Variants in FHL1 observed in about 807,000 individuals in gnomAD.
FHL1 encodes four and a half LIM domains protein 1.
A neutral mutation model predicts 20.3 loss-of-function variants in FHL1; 1 was observed. That is an observed-to-expected ratio of 0.05 (90% CI 0.02 to 0.23). The LOEUF is 0.23. Among genes scored for constraint, FHL1 ranks in the 10% least tolerant of loss-of-function variants. FHL1 has a pLI of 1.00. For missense variants in FHL1, 177 were observed against 234.0 expected (o/e 0.76, Z 1.59); for synonymous variants, 82 against 88.9 (o/e 0.92, Z 0.44).
intron 2 of FHL1, among the ~76,000 whole-genome samples, chrX:136,183,260 G>T (rs2073209222): frequency 9.0e-6 from 1 of 111,275 alleles, no homozygotes; most frequent in African/African-American, 3.3e-5. Context: ...TTGGAGAGTT[G>T]TAAGAAATTT....
At chrX:136,164,388 G>C (rs1204581302) in intron 1 of FHL1, among the ~76,000 whole-genome samples, 1 of 109,839 alleles carries the variant, frequency 9.1e-6, no homozygotes, top group Non-Finnish European at 1.9e-5. Context: ...TGTATTTTCA[G>C]TAGAGATGGG....
upstream of FHL1, among the ~76,000 whole-genome samples, chrX:136,166,255 A>G (rs760837115): frequency 1.8e-5 from 2 of 111,993 alleles, no homozygotes; most frequent in South Asian, 3.8e-4. Flanking sequence ...CTGACTGTCA[A>G]TTTTTCTCCT....
intron 5 of FHL1, 38 bp from the exon 6 acceptor site, chrX:136,209,833 C>G: frequency 8.4e-7 from 1 of 1,193,056 alleles, no homozygotes; most frequent in East Asian, 3.0e-5. Flanking sequence ...TCAGCTGTTT[C>G]TCTTGTTTTC....
intron 2 of FHL1, among the ~76,000 whole-genome samples, chrX:136,188,281 T>C (rs2073356741): frequency 8.9e-6 from 1 of 111,735 alleles, no homozygotes; most frequent in Admixed American, 9.5e-5. Context: ...TGAGATGTTG[T>C]AGCTGCAGGC....
At position 136,154,122 on chromosome X, in the gene FHL1, C is replaced by A. The variant is rs774267503; in HGVS notation, c.-101+6494C>A. ...ACCTAATGTGCTAACGTCAGAGTTC[C>A]AGCTTGAATTTTTAGATTGTCTTCA... On this transcript the variant is annotated intron_variant, in intron 1 of 7. Transcript: ENST00000394155. 3.6e-5 allele frequency among the ~76,000 whole-genome samples: 4 copies of A among 112,180 alleles called. No individual in the cohort carries two copies. In the Admixed American group the frequency reaches 3.8e-4, roughly 11 times the overall value.
In FHL1 at chrX:136,207,906, A is replaced by T; in HGVS notation, c.494A>T (p.Tyr165Phe). 2 of 1,212,375 alleles carry T rather than the reference A, an allele frequency of 1.6e-6. No homozygotes were observed. The highest frequency in any genetic ancestry group is 3.5e-5 in the South Asian group (2 of 57,045). ...GSFFPKGEDF[Y>F]CVTCHETKFA... ...TTCTTCCCTAAAGGGGAGGACTTCT[A>T]CTGCGTGACTTGCCATGAGACCAAG... The change falls in exon 4 of 6, where the codon TAC (tyrosine) becomes TTC (phenylalanine). Residue 165 changes from tyrosine to phenylalanine, a missense_variant. Coordinates refer to ENST00000370683, the MANE Select transcript of FHL1 (RefSeq NM_001159699.2).
At chrX:136,172,042 C>T (rs756655900) in intron 2 of FHL1, among the ~76,000 whole-genome samples, 1 of 110,716 alleles carries the variant, frequency 9.0e-6, no homozygotes, top group East Asian at 2.8e-4. Context: ...AGCGTCTCTA[C>T]ATCAACATGC....
At chrX:136,161,604 C>T (rs751848076) in intron 1 of FHL1, among the ~76,000 whole-genome samples, 6 of 111,948 alleles carry the variant, frequency 5.4e-5, no homozygotes, top group African/African-American at 9.7e-5. Context: ...TGGCCACATG[C>T]GTGCTGATAT....
upstream of FHL1, among the ~76,000 whole-genome samples, chrX:136,194,700 A>G (rs995765775): frequency 8.0e-5 from 9 of 112,290 alleles, no homozygotes; most frequent in African/African-American, 2.9e-4. Context: ...ATTGACTAAT[A>G]TGCCAATGAA....
At chrX:136,184,260 G>A (rs908737006) in intron 2 of FHL1, among the ~76,000 whole-genome samples, 13 of 111,942 alleles carry the variant, frequency 1.2e-4, no homozygotes, top group African/African-American at 4.2e-4. Flanking sequence ...CGAAATGAAA[G>A]TCCTATAACT....
At chrX:136,147,623 C>A in exon 1 of FHL1, 1 of 111,585 alleles carries the variant, frequency 9.0e-6, no homozygotes, top group South Asian at 3.1e-4. Flanking sequence ...CGAGCATCCC[C>A]ACGCAGTAAG....
chrX:136,210,350 A>C lies in FHL1; in HGVS notation c.*325A>C. The C allele has an allele frequency of 2.4e-6, 1 of 410,354 alleles. No individual in the cohort carries two copies. Among genetic ancestry groups the C allele is most frequent in the Non-Finnish European group, 4.5e-6 (1 of 221,172 alleles). 33.8% of individuals were successfully genotyped at this position (410,354 alleles called of 1,213,427 possible). A position where few individuals can be genotyped will look rare whatever the true frequency, so the allele number is the denominator to read the frequency against. On this transcript the variant is annotated 3_prime_UTR_variant, in exon 6 of 6. Coordinates refer to ENST00000370683, the MANE Select transcript of FHL1 (RefSeq NM_001159699.2). ...TTAGCCACTTAGTGATGTAAGCAAGAAGCATAGGAGATAAAACCCCCACTG... is the reference window on the plus strand; with the variant it reads ...TTAGCCACTTAGTGATGTAAGCAAGCAGCATAGGAGATAAAACCCCCACTG...
intron 1 of FHL1, among the ~76,000 whole-genome samples, chrX:136,197,511 G>A (rs1246791959): frequency 2.7e-5 from 3 of 111,755 alleles, no homozygotes; most frequent in Admixed American, 9.5e-5. Flanking sequence ...TTACATCCAA[G>A]GTGTTTGGAG....
At chrX:136,159,173 ACT>A (rs1372060449) in intron 1 of FHL1, among the ~76,000 whole-genome samples, 1 of 110,368 alleles carries the variant, frequency 9.1e-6, no homozygotes, top group Non-Finnish European at 1.9e-5. Context: ...AAAAAAAAAA[ACT>A]CTTCAAATGT....
intron 1 of FHL1, among the ~76,000 whole-genome samples, chrX:136,160,146 T>A (rs929242079): frequency 9.0e-6 from 1 of 111,552 alleles, no homozygotes; most frequent in Non-Finnish European, 1.9e-5. Flanking sequence ...CTGAGTTGGC[T>A]ATGAGAACAG....
At chrX:136,160,673 C>T (rs896309424) in intron 1 of FHL1, among the ~76,000 whole-genome samples, 1 of 112,032 alleles carries the variant, frequency 8.9e-6, no homozygotes, top group Non-Finnish European at 1.9e-5. Context: ...GCTTATTAAA[C>T]TTTATTTTGT....
chrX:136,195,988 T>C (rs540321485), upstream of FHL1, among the ~76,000 whole-genome samples: 1 of 112,198 alleles, frequency 8.9e-6, no homozygotes. Context: ...GAATAGTTAT[T>C]GAGAGCCTCC....
intron 1 of FHL1, among the ~76,000 whole-genome samples, chrX:136,202,832 G>A (rs1269860955): frequency 8.9e-6 from 1 of 112,244 alleles, no homozygotes; most frequent in Non-Finnish European, 1.9e-5. Context: ...CAGACTCAGG[G>A]AGCCCACACT....
At chrX:136,180,183 A>C (rs909410025) in intron 2 of FHL1, among the ~76,000 whole-genome samples, 23 of 112,173 alleles carry the variant, frequency 2.1e-4, no homozygotes, top group Admixed American at 1.4e-3. Context: ...ACTACCAGCA[A>C]GTATACGGAC....
Sources: allele counts gnomAD v4.1 joint callset (sites outside exome capture counted in the v4.1 genomes callset), GRCh38; gene constraint gnomAD v4.1.1; transcripts MANE v1.5; gene names NCBI Gene and HGNC (gene_info 2026-07-23, HGNC 2026-07-21).